The following SEMA4D variants were observed in gnomAD, a reference collection of about 807,000 sequenced individuals.
SEMA4D encodes semaphorin-4D.
In SEMA4D, 22 loss-of-function variants were observed where a neutral mutation model predicts 74.8. The observed-to-expected ratio is 0.29, with a 90% CI of 0.21 to 0.42. The LOEUF is 0.42. Among genes scored for constraint, SEMA4D ranks in the 10% least tolerant of loss-of-function variants. The probability of loss-of-function intolerance (pLI) is 1.00; values close to 1 mark genes in which losing one functional copy is unlikely to be tolerated. For missense variants in SEMA4D, 937 were observed against 1,118.4 expected (o/e 0.84, Z 2.31); for synonymous variants, 445 against 463.7 (o/e 0.96, Z 0.52).
chr9:89,421,814 T>G (rs1233128188), intron 2 of SEMA4D, among the ~76,000 whole-genome samples: 3 of 152,158 alleles, frequency 2.0e-5, no homozygotes, highest in Admixed American at 6.5e-5. Flanking sequence ...TGTGTGTGTG[T>G]GTGGGTGTGC....
chr9:89,420,666 C>A (rs1425865225), intron 2 of SEMA4D, among the ~76,000 whole-genome samples: 4 of 152,232 alleles, frequency 2.6e-5, no homozygotes, highest in Non-Finnish European at 5.9e-5. Flanking sequence ...AAGCAGGGAC[C>A]TGGTGTTCTT....
intron 9 of SEMA4D, among the ~76,000 whole-genome samples, chr9:89,389,870 C>T (rs1006424862): frequency 1.3e-5 from 2 of 152,144 alleles, no homozygotes; most frequent in African/African-American, 4.8e-5. Context: ...GCACATTTTT[C>T]GTCAGGGGTC....
intron 2 of SEMA4D, among the ~76,000 whole-genome samples, chr9:89,424,761 T>G (rs975311910): frequency 2.0e-5 from 3 of 151,802 alleles, no homozygotes; most frequent in African/African-American, 7.3e-5. Context: ...GGCCTCCACC[T>G]GGCTCCCGCT....
At chr9:89,385,576 G>A (rs1053564813) in intron 13 of SEMA4D, 2 of 985,214 alleles carry the variant, frequency 2.0e-6, no homozygotes, top group African/African-American at 3.5e-5. Context: ...TTTCAGATCT[G>A]AGGGAGAACT....
At chr9:89,464,702 A>G (rs72750915) in intron 1 of SEMA4D, among the ~76,000 whole-genome samples, 407 of 152,152 alleles carry the variant, frequency 2.7e-3, no homozygotes, top group Non-Finnish European at 4.3e-3. Flanking sequence ...GAGGTCAACC[A>G]TCAGAGAGGT....
chr9:89,470,616 A>G (rs747862433), intron 1 of SEMA4D, among the ~76,000 whole-genome samples: 10 of 152,178 alleles, frequency 6.6e-5, no homozygotes, highest in Non-Finnish European at 1.5e-4. Context: ...ACTTCTGGAC[A>G]TTTATCAAAA....
chr9:89,464,443 G>A (rs1008435370), intron 1 of SEMA4D, among the ~76,000 whole-genome samples: 11 of 152,076 alleles, frequency 7.2e-5, no homozygotes, highest in Non-Finnish European at 1.5e-4. Context: ...GGCGCAGCCA[G>A]GCTGCCTCTG....
At chr9:89,452,696 A>G (rs1359074479) in intron 2 of SEMA4D, among the ~76,000 whole-genome samples, 1 of 150,042 alleles carries the variant, frequency 6.7e-6, no homozygotes, top group African/African-American at 2.5e-5. Flanking sequence ...CAGATGATCT[A>G]CCCACCTCGG....
In SEMA4D at chr9:89,379,221, G is replaced by A. The variant is rs1836434875; in HGVS notation, c.2072C>T (p.Ser691Phe). ...GGGAGGAAGGGTGATGGCCCCGGAG[G>A]AGGTGGCCTGCACGGCTGGGGTTGG... ...SPPTPAVQAT[S>F]SGAITLPPKP... The change falls in exon 16 of 16, where the codon TCC becomes TTC. Residue 691 changes from serine to phenylalanine, a missense_variant. Physicochemically the swap from Ser to Phe is radical, Grantham distance 155 (BLOSUM62 -2). Transcript: ENST00000422704. The A allele has an allele frequency of 1.2e-6, 2 of 1,613,958 alleles. No individual in the cohort carries two copies. The highest frequency in any genetic ancestry group is 1.1e-5 in the South Asian group (1 of 91,080).
In SEMA4D at chr9:89,392,570, A is replaced by C. The variant is rs756683298; in HGVS notation, c.509-34T>G. The C allele has an allele frequency of 2.9e-6, 4 of 1,381,650 alleles. No homozygotes were observed. In the South Asian group the frequency reaches 3.5e-5, roughly 12 times the overall value. 85.6% of individuals were successfully genotyped at this position (1,381,650 alleles called of 1,614,324 possible). On this transcript the variant is annotated intron_variant, in intron 7 of 15. Transcript: ENST00000422704. The stretch of plus-strand genomic sequence containing the variant: ...GCCCAGAAGAAAAGAGGAAAAGGGA[A>C]CCAACCTCTCAGGCTATGGCACCAA...
chr9:89,463,706 C>A (rs893978450), intron 1 of SEMA4D, among the ~76,000 whole-genome samples: 19 of 152,144 alleles, frequency 1.2e-4, no homozygotes, highest in Non-Finnish European at 1.9e-4. Context: ...GAGGCTGAGG[C>A]GGGCATATCA....
At chr9:89,394,818 T>C (rs1588275573) in intron 6 of SEMA4D, among the ~76,000 whole-genome samples, 2 of 152,320 alleles carry the variant, frequency 1.3e-5, no homozygotes, top group South Asian at 4.1e-4. Flanking sequence ...TTCGGGGCTG[T>C]TGGGGAAATC....
intron 2 of SEMA4D, among the ~76,000 whole-genome samples, chr9:89,420,975 T>A (rs1458902992): frequency 6.6e-6 from 1 of 152,228 alleles, no homozygotes; most frequent in Non-Finnish European, 1.5e-5. Flanking sequence ...TGAAGCCAGT[T>A]ATATCTGCCT....
intron 4 of SEMA4D, 44 bp downstream of exon 4, chr9:89,402,827 C>T (rs756913755): frequency 3.1e-6 from 5 of 1,588,784 alleles, no homozygotes; most frequent in Non-Finnish European, 4.3e-6. Context: ...AGGCTGCCCA[C>T]TCAAGCTGGG....
At chr9:89,483,863 G>A (rs916955595) in intron 1 of SEMA4D, among the ~76,000 whole-genome samples, 2 of 152,180 alleles carry the variant, frequency 1.3e-5, no homozygotes, top group Non-Finnish European at 2.9e-5. Context: ...CTTTTGTATT[G>A]TAATAAAAAA....
chr9:89,448,840 C>T (rs772858269), intron 2 of SEMA4D, among the ~76,000 whole-genome samples: 7 of 152,212 alleles, frequency 4.6e-5, no homozygotes, highest in Non-Finnish European at 1.0e-4. Context: ...TGTCCTGCAG[C>T]TGCATAGATA....
intron 5 of SEMA4D, among the ~76,000 whole-genome samples, chr9:89,398,014 T>TGATAGA (rs1841372916): frequency 6.6e-6 from 1 of 151,992 alleles, no homozygotes; most frequent in South Asian, 2.1e-4. Flanking sequence ...AAAGTCCCAG[T>TGATAGA]GATAGAGAAA....
chr9:89,375,111 T>G (rs967770260), downstream of SEMA4D, among the ~76,000 whole-genome samples: 1 of 152,184 alleles, frequency 6.6e-6, no homozygotes, highest in African/African-American at 2.4e-5. Context: ...TGCCTGCATC[T>G]GCCCGCAAAG....
At chr9:89,488,617 C>T (rs1342898659) in intron 1 of SEMA4D, among the ~76,000 whole-genome samples, 1 of 152,148 alleles carries the variant, frequency 6.6e-6, no homozygotes, top group Non-Finnish European at 1.5e-5. Flanking sequence ...AGGTGTTCCA[C>T]TCACCTCAGC....
Sources: allele counts gnomAD v4.1 joint callset (sites outside exome capture counted in the v4.1 genomes callset), GRCh38; gene constraint gnomAD v4.1.1; transcripts MANE v1.5; gene names NCBI Gene and HGNC (gene_info 2026-07-23, HGNC 2026-07-21).